Variants in TASP1 observed in about 807,000 individuals in gnomAD.
The protein encoded by TASP1 is threonine aspartase 1.
TASP1 carries 16 observed loss-of-function variants against 56.6 expected under a neutral mutation model. The ratio of observed to expected loss-of-function variants is 0.28; its 90% CI spans 0.19 to 0.43. TASP1 has a LOEUF of 0.43. Among genes scored for constraint, TASP1 ranks in the 20% least tolerant of loss-of-function variants. The pLI, the probability that TASP1 is intolerant of heterozygous loss-of-function variation, is 1.00. For missense variants in TASP1, 393 were observed against 511.6 expected, an observed-to-expected ratio of 0.77 and a Z score of 2.24; for synonymous variants, 179 against 184.2, an observed-to-expected ratio of 0.97 and a Z score of 0.23.
At chr20:13,437,193 G>C (rs147946554) in intron 11 of TASP1, among the ~76,000 whole-genome samples, 14 of 152,122 alleles carry the variant, frequency 9.2e-5, no homozygotes, top group African/African-American at 3.4e-4. Flanking sequence ...GGGATGCAAG[G>C]CTGGTTCAAC....
At chr20:13,123,930 C>T in the TASP1 span, among the ~76,000 whole-genome samples, 1 of 152,126 alleles carries the variant, frequency 6.6e-6, no homozygotes, top group Non-Finnish European at 1.5e-5. Flanking sequence ...ATCCCTGCTG[C>T]TGCTCCTCAG....
chr20:13,298,618 T>G, the TASP1 span, among the ~76,000 whole-genome samples: 2 of 152,160 alleles, frequency 1.3e-5, no homozygotes, highest in Admixed American at 1.3e-4. Flanking sequence ...TGATGAAATA[T>G]GGGTAGTCAT....
At chr20:13,225,223 A>T in the TASP1 span, among the ~76,000 whole-genome samples, 1 of 152,126 alleles carries the variant, frequency 6.6e-6, no homozygotes, top group Non-Finnish European at 1.5e-5. Context: ...TTTCAAAAGG[A>T]GAAACTGAGG....
At chr20:13,496,591 C>G (rs1157988956) in intron 10 of TASP1, among the ~76,000 whole-genome samples, 2 of 151,652 alleles carry the variant, frequency 1.3e-5, no homozygotes, top group Admixed American at 1.3e-4. Context: ...TCTTGTTCTA[C>G]CCAAAAACAA....
At chr20:13,177,205 C>A in the TASP1 span, among the ~76,000 whole-genome samples, 1 of 151,962 alleles carries the variant, frequency 6.6e-6, no homozygotes, top group Non-Finnish European at 1.5e-5. Flanking sequence ...CATGCCACTG[C>A]ACTCCAGCCT....
intron 8 of TASP1, among the ~76,000 whole-genome samples, chr20:13,547,395 C>A (rs759055496): frequency 6.6e-6 from 1 of 152,072 alleles, no homozygotes; most frequent in Non-Finnish European, 1.5e-5. Flanking sequence ...TACTGCTTAT[C>A]CCATTAAGGG....
At chr20:13,342,611 C>T in the TASP1 span, among the ~76,000 whole-genome samples, 5 of 152,194 alleles carry the variant, frequency 3.3e-5, no homozygotes, top group African/African-American at 1.2e-4. Flanking sequence ...GCACGTTCAC[C>T]TCACCAGCTA....
intron 4 of TASP1, among the ~76,000 whole-genome samples, chr20:13,603,836 T>C (rs1239634330): frequency 1.3e-5 from 2 of 152,198 alleles, no homozygotes; most frequent in East Asian, 1.9e-4. Flanking sequence ...TGGACTTCCA[T>C]GTTTATCTCT....
chr20:13,486,451 T>C (rs1333964610), intron 10 of TASP1, among the ~76,000 whole-genome samples: 3 of 152,152 alleles, frequency 2.0e-5, no homozygotes, highest in Non-Finnish European at 4.4e-5. Flanking sequence ...ATAACTTATG[T>C]TTTTAAAAGC....
At chr20:13,571,681 T>A (rs2046718950) in intron 6 of TASP1, among the ~76,000 whole-genome samples, 1 of 152,192 alleles carries the variant, frequency 6.6e-6, no homozygotes, top group African/African-American at 2.4e-5. Flanking sequence ...AGTCAGGTAA[T>A]GGCACTCCTC....
intron 4 of TASP1, among the ~76,000 whole-genome samples, chr20:13,621,288 G>A (rs955097349): frequency 2.9e-4 from 44 of 151,892 alleles, no homozygotes; most frequent in Non-Finnish European, 6.2e-4. Context: ...AAAATTAGCC[G>A]GGTGTGGTGG....
At chr20:13,463,792 C>T (rs1185706154) in intron 11 of TASP1, among the ~76,000 whole-genome samples, 1 of 151,892 alleles carries the variant, frequency 6.6e-6, no homozygotes, top group East Asian at 1.9e-4. Flanking sequence ...ACCAAAACCA[C>T]AAAGAGATAC....
chr20:13,141,410 T>TA, the TASP1 span, among the ~76,000 whole-genome samples: 3 of 152,084 alleles, frequency 2.0e-5, no homozygotes, highest in Admixed American at 6.5e-5. Context: ...ACACTTGGTT[T>TA]AAAAAAAATC....
At chr20:13,586,912 G>C (rs995269373) in intron 5 of TASP1, among the ~76,000 whole-genome samples, 1 of 151,998 alleles carries the variant, frequency 6.6e-6, no homozygotes. Flanking sequence ...AAATGAGAAA[G>C]AAAAGATCTT....
chr20:13,369,563 T>C, the TASP1 span, among the ~76,000 whole-genome samples: 4 of 152,252 alleles, frequency 2.6e-5, no homozygotes, highest in African/African-American at 9.6e-5. Context: ...TCTACGTATA[T>C]ATCAAACTTG....
chr20:13,105,346 A>G, the TASP1 span, among the ~76,000 whole-genome samples: 4 of 152,140 alleles, frequency 2.6e-5, no homozygotes, highest in African/African-American at 9.7e-5. Flanking sequence ...GAACTCCACC[A>G]AAAGCCACTC....
intron 11 of TASP1, among the ~76,000 whole-genome samples, chr20:13,443,502 T>C (rs1413260858): frequency 2.6e-5 from 4 of 152,206 alleles, no homozygotes; most frequent in African/African-American, 9.6e-5. Context: ...TTATTCACTA[T>C]AATAATCTCA....
At chr20:13,110,405 A>T in the TASP1 span, among the ~76,000 whole-genome samples, 1 of 152,120 alleles carries the variant, frequency 6.6e-6, no homozygotes, top group African/African-American at 2.4e-5. Context: ...ATGACTCTAT[A>T]TATGGCACAG....
At chr20:13,358,539 C>T in the TASP1 span, among the ~76,000 whole-genome samples, 2 of 152,188 alleles carry the variant, frequency 1.3e-5, no homozygotes, top group South Asian at 2.1e-4. Context: ...ACCACTTTCT[C>T]CTTTCCACTC....
Sources: allele counts gnomAD v4.1 joint callset (sites outside exome capture counted in the v4.1 genomes callset), GRCh38; gene constraint gnomAD v4.1.1; transcripts MANE v1.5; gene names NCBI Gene and HGNC (gene_info 2026-07-23, HGNC 2026-07-21).